The following NHSL3 variants were observed in gnomAD, a reference collection of about 807,000 sequenced individuals.
The protein encoded by NHSL3 is NHS-like protein 3.
At chr1:32,760,212 C>T in the NHSL3 span, among the ~76,000 whole-genome samples, 4 of 152,142 alleles carry the variant, frequency 2.6e-5, no homozygotes, top group African/African-American at 9.7e-5. Flanking sequence ...TCAGAGGGTT[C>T]GGCCTCCTGA....
the NHSL3 span, among the ~76,000 whole-genome samples, chr1:32,753,634 TAC>T: frequency 6.6e-6 from 1 of 152,202 alleles, no homozygotes; most frequent in African/African-American, 2.4e-5. Flanking sequence ...ACTACAGAAA[TAC>T]AGTCAGTTCG....
chr1:32,769,700 T>C, the NHSL3 span: 1 of 1,613,822 alleles, frequency 6.2e-7, no homozygotes, highest in Non-Finnish European at 8.5e-7. Flanking sequence ...CATGACTCAT[T>C]TCCCAAATCT....
chr1:32,765,527 G>A, the NHSL3 span: 1 of 1,064,432 alleles, frequency 9.4e-7, no homozygotes, highest in Non-Finnish European at 1.3e-6. Context: ...GGCCTCAGTT[G>A]CCTTTCTGTG....
the NHSL3 span, among the ~76,000 whole-genome samples, chr1:32,745,429 G>A: frequency 4.6e-5 from 7 of 151,736 alleles, no homozygotes; most frequent in African/African-American, 9.7e-5. Context: ...GTGGTGGCGC[G>A]TGCCTGTAAT....
the NHSL3 span, among the ~76,000 whole-genome samples, chr1:32,745,794 T>C: frequency 6.6e-6 from 1 of 152,192 alleles, no homozygotes; most frequent in Non-Finnish European, 1.5e-5. Flanking sequence ...GCTGTTGTTA[T>C]GCTGCTGAGG....
the NHSL3 span, among the ~76,000 whole-genome samples, chr1:32,749,636 G>GA: frequency 2.6e-5 from 4 of 152,176 alleles, no homozygotes; most frequent in Non-Finnish European, 5.9e-5. Flanking sequence ...ACTTCAAATG[G>GA]AAAATCGCAT....
chr1:32,752,820 C>G, the NHSL3 span, among the ~76,000 whole-genome samples: 2 of 150,478 alleles, frequency 1.3e-5, no homozygotes, highest in Non-Finnish European at 3.0e-5. Flanking sequence ...CTGAAGTGAT[C>G]TGCCCGCCTT....
chr1:32,767,711 C>T, the NHSL3 span: 1 of 1,325,876 alleles, frequency 7.5e-7, no homozygotes, highest in Non-Finnish European at 1.0e-6. Flanking sequence ...ACCATGACTG[C>T]CCTTGCCGTG....
At chr1:32,774,365 G>A in the NHSL3 span, 5 of 152,408 alleles carry the variant, frequency 3.3e-5, no homozygotes, top group South Asian at 1.0e-3. Flanking sequence ...TTTTCCACTA[G>A]TCACTACTGT....
At chr1:32,743,142 G>C in the NHSL3 span, among the ~76,000 whole-genome samples, 1 of 152,170 alleles carries the variant, frequency 6.6e-6, no homozygotes, top group East Asian at 1.9e-4. Flanking sequence ...TTGCAAGAGG[G>C]TGGAGCTCCC....
At chr1:32,763,576 T>G in the NHSL3 span, among the ~76,000 whole-genome samples, 1 of 152,140 alleles carries the variant, frequency 6.6e-6, no homozygotes, top group Non-Finnish European at 1.5e-5. Flanking sequence ...TTATTGTATT[T>G]TATTTATTTA....
the NHSL3 span, among the ~76,000 whole-genome samples, chr1:32,742,388 C>T: frequency 6.6e-6 from 1 of 152,210 alleles, no homozygotes; most frequent in Non-Finnish European, 1.5e-5. Flanking sequence ...AGTCCTGCCC[C>T]GCTGTGAGGG....
the NHSL3 span, chr1:32,765,585 G>T: frequency 6.1e-6 from 9 of 1,481,632 alleles, no homozygotes; most frequent in Non-Finnish European, 8.1e-6. Context: ...GGCGGGATCA[G>T]TGGCGAAGGT....
chr1:32,764,832 T>A, the NHSL3 span, among the ~76,000 whole-genome samples: 3 of 152,216 alleles, frequency 2.0e-5, no homozygotes, highest in Admixed American at 1.3e-4. Context: ...TGGAGCTGGA[T>A]TTGAACCTCG....
chr1:32,744,258 C>G, the NHSL3 span, among the ~76,000 whole-genome samples: 1 of 152,112 alleles, frequency 6.6e-6, no homozygotes, highest in Admixed American at 6.5e-5. Flanking sequence ...TAATCTGACT[C>G]TCCTACTTTA....
the NHSL3 span, among the ~76,000 whole-genome samples, chr1:32,757,695 C>T: frequency 6.6e-6 from 1 of 152,202 alleles, no homozygotes; most frequent in Non-Finnish European, 1.5e-5. Flanking sequence ...ACAGGCTATT[C>T]TCCCATTTTA....
At chr1:32,752,936 CACACACACACACACATATATAT>C in the NHSL3 span, among the ~76,000 whole-genome samples, 872 of 9,154 alleles carry the variant, frequency 0.095, 21 homozygotes, top group Middle Eastern at 0.32. Context: ...CACACACACA[CACACACACACACACATATATAT>C]ATATATATAT....
the NHSL3 span, among the ~76,000 whole-genome samples, chr1:32,756,259 A>G: frequency 1.3e-5 from 2 of 152,140 alleles, no homozygotes; most frequent in Non-Finnish European, 2.9e-5. Context: ...TTGTCTTTGA[A>G]GTAATCACAG....
At chr1:32,764,086 C>T in the NHSL3 span, among the ~76,000 whole-genome samples, 1 of 152,130 alleles carries the variant, frequency 6.6e-6, no homozygotes, top group East Asian at 1.9e-4. Context: ...ATCTTGAATT[C>T]CTGACCACAA....
Sources: gnomAD v4.1 joint callset for allele counts (sites outside exome capture counted in the v4.1 genomes callset) on GRCh38, gnomAD v4.1.1 for gene constraint, MANE v1.5 for transcripts, NCBI Gene and HGNC (gene_info 2026-07-23, HGNC 2026-07-21) for gene names.